The following NLN variants were observed in gnomAD, a reference collection of about 807,000 sequenced individuals.
NLN encodes neurolysin, mitochondrial.
NLN carries 64 observed loss-of-function variants against 79.9 expected under a neutral mutation model. The observed-to-expected ratio is 0.80, with a 90% confidence interval of 0.65 to 0.99. The LOEUF (loss-of-function observed/expected upper bound fraction) is 0.99. Among genes scored for constraint, NLN ranks in the 50% least tolerant of loss-of-function variants. NLN has a pLI of 0.00. For missense variants in NLN, 835 were observed against 858.7 expected, an observed-to-expected ratio of 0.97 and a Z score of 0.34; for synonymous variants, 267 against 296.6, an observed-to-expected ratio of 0.90 and a Z score of 1.02.
In NLN at chr5:65,812,276, T is replaced by C. The variant is rs371846609; in HGVS notation, c.1865T>C (p.Phe622Ser). 5 of 1,613,426 alleles carry C rather than the reference T, an allele frequency of 3.1e-6. No homozygotes were observed. In the African/African-American group the frequency reaches 5.3e-5, roughly 17 times the overall value. ...ATPGTNMPAT[F>S]GHLAGGYDGQ... ...AAAGGCACAAATATGCCAGCTACCT[T>C]TGGACATTTGGCAGGGGGATACGAT... Residue 622 changes from phenylalanine to serine, a missense_variant, in exon 12 of 13, where the codon TTT becomes TCT. Coordinates refer to ENST00000380985, the MANE Select transcript of NLN (RefSeq NM_020726.5).
Position 65,806,942 on chromosome 5 carries a change from C to T in NLN, c.1528-2573C>T, listed in dbSNP as rs530544611. On this transcript the variant is annotated intron_variant, in intron 9 of 12. Transcript: ENST00000380985. Reference sequence around the variant, plus strand: ...CTGTAATCCCAGCACTCTGGGAGGCCGAGGTGGGTGGATCACCTGCGGTCA... The same window carrying T: ...CTGTAATCCCAGCACTCTGGGAGGCTGAGGTGGGTGGATCACCTGCGGTCA... Among the ~76,000 whole-genome samples the T allele has an allele frequency of 5.9e-5, 9 of 152,152 alleles. No homozygotes were observed. The South Asian group carries it at 1.7e-3, about 28-fold the overall frequency.
intron 4 of NLN, among the ~76,000 whole-genome samples, chr5:65,779,165 A>T (rs1759745252): frequency 6.6e-6 from 1 of 152,192 alleles, no homozygotes; most frequent in Non-Finnish European, 1.5e-5. Flanking sequence ...CGGAGGGCTT[A>T]TTAAAACTCT....
intron 2 of NLN, among the ~76,000 whole-genome samples, chr5:65,761,547 C>A (rs946446774): frequency 5.9e-5 from 9 of 152,104 alleles, no homozygotes; most frequent in African/African-American, 2.2e-4. Context: ...CTGCCTCAGC[C>A]TCCCAGAATG....
intron 7 of NLN, among the ~76,000 whole-genome samples, chr5:65,787,331 T>C (rs1759952949): frequency 6.6e-6 from 1 of 152,070 alleles, no homozygotes; most frequent in East Asian, 1.9e-4. Context: ...TGGATATATA[T>C]ATGGAAAACT....
chr5:65,751,616 C>T (rs1056111232), intron 1 of NLN, among the ~76,000 whole-genome samples: 1 of 152,070 alleles, frequency 6.6e-6, no homozygotes, highest in Non-Finnish European at 1.5e-5. Context: ...TGGTGAAAGC[C>T]TTGATGAGAG....
At chr5:65,743,613 G>A (rs1758913675) in intron 1 of NLN, among the ~76,000 whole-genome samples, 1 of 152,188 alleles carries the variant, frequency 6.6e-6, no homozygotes. Context: ...ATGTCTGTAT[G>A]TGCAGAATGA....
rs754148526 is a variant in NLN, at chr5:65,822,922, G to A, written c.*7G>A. The A allele has an allele frequency of 6.2e-7, 1 of 1,612,816 alleles. No individual in the cohort carries two copies. Among genetic ancestry groups the A allele is most frequent in the South Asian group, 1.1e-5 (1 of 90,964 alleles). On this transcript the variant is annotated 3_prime_UTR_variant, in exon 13 of 13. Transcript: ENST00000380985. ...AGGCCTGCATGCTCCGTGAACTGGG[G>A]ATCTTTGGTAGCCGTCCATGTCTGG...
intron 9 of NLN, chr5:65,793,088 G>T (rs933452668): frequency 3.6e-6 from 1 of 278,548 alleles, no homozygotes; most frequent in Non-Finnish European, 7.0e-6. Flanking sequence ...TGTAACATTT[G>T]CCTTTACTAA....
chr5:65,781,157 A>G (rs754707608), intron 5 of NLN, 104 bp from the exon 6 acceptor site: 13 of 662,838 alleles, frequency 2.0e-5, no homozygotes, highest in South Asian at 1.0e-4. Context: ...TTGAATTTCA[A>G]TTACTACACA....
Position 65,823,591 on chromosome 5 carries a change from T to A in NLN, c.*676T>A, listed in dbSNP as rs766720221. On this transcript the variant is annotated 3_prime_UTR_variant, in exon 13 of 13. Transcript: ENST00000380985. ...TTATGTTTCAGCTAGACTGGTGTAA[T>A]GTATAAGTTTTTGTATCTTGTATTA... The A allele has an allele frequency of 6.6e-6, 1 of 152,216 alleles. No homozygotes were observed. The highest frequency in any genetic ancestry group is 6.5e-5 in the Admixed American group (1 of 15,276). The allele number at this position is 152,216 out of a possible 1,614,324, so 9.4% of individuals were successfully genotyped here.
At chr5:65,814,284 C>T (rs1760621306) in intron 12 of NLN, among the ~76,000 whole-genome samples, 1 of 152,104 alleles carries the variant, frequency 6.6e-6, no homozygotes, top group Non-Finnish European at 1.5e-5. Context: ...TTACCTCCTG[C>T]TGCTTGTTAT....
intron 1 of NLN, among the ~76,000 whole-genome samples, chr5:65,726,620 T>G (rs889486022): frequency 1.3e-5 from 2 of 152,208 alleles, no homozygotes; most frequent in Admixed American, 6.5e-5. Flanking sequence ...GCTGCCGATA[T>G]GTGGTATTAG....
chr5:65,753,539 C>A (rs804491), intron 1 of NLN, among the ~76,000 whole-genome samples: 141,553 of 151,790 alleles, frequency 0.93, 66,103 homozygotes, highest in African/African-American at 0.98. Flanking sequence ...AATCCCAGCT[C>A]CTCGGAAGGC....
chr5:65,817,815 T>C (rs890506415), intron 12 of NLN, among the ~76,000 whole-genome samples: 1 of 152,216 alleles, frequency 6.6e-6, no homozygotes, highest in Admixed American at 6.5e-5. Context: ...AAAGAATCAC[T>C]TGATAGAGAA....
intron 1 of NLN, among the ~76,000 whole-genome samples, chr5:65,750,417 C>G (rs1434994642): frequency 2.0e-5 from 3 of 152,210 alleles, no homozygotes; most frequent in Admixed American, 1.3e-4. Flanking sequence ...GGACTGAGTA[C>G]CTGAGGAAAT....
At chr5:65,734,599 C>G (rs1318743351) in intron 1 of NLN, among the ~76,000 whole-genome samples, 3 of 151,570 alleles carry the variant, frequency 2.0e-5, no homozygotes, top group Non-Finnish European at 4.4e-5. Flanking sequence ...GTCTATGCTT[C>G]CTGTTTGGCA....
At chr5:65,766,249 G>A (rs1042909403) in intron 3 of NLN, among the ~76,000 whole-genome samples, 4 of 152,184 alleles carry the variant, frequency 2.6e-5, no homozygotes, top group African/African-American at 7.2e-5. Context: ...GAGTACCTGA[G>A]ACTGGGTAAT....
chr5:65,734,133 G>A lies in NLN; in HGVS notation c.41+11719G>A, dbSNP rs566073138. Reference sequence around the variant, plus strand: ...AGGATGGTCTCAATCTCCTGACCTCGTGATCCACCCGCCTCGGCCTCCCAA... The same window carrying A: ...AGGATGGTCTCAATCTCCTGACCTCATGATCCACCCGCCTCGGCCTCCCAA... On this transcript the variant is annotated intron_variant, in intron 1 of 12. Coordinates refer to ENST00000380985, the MANE Select transcript of NLN (RefSeq NM_020726.5). Among the ~76,000 whole-genome samples the A allele has an allele frequency of 7.9e-5, 11 of 138,706 alleles. 1 individual carries two copies. In the East Asian group the frequency reaches 1.0e-3, roughly 13 times the overall value. 91.0% of individuals were successfully genotyped at this position (138,706 alleles called of 152,430 possible). A position where few individuals can be genotyped will look rare whatever the true frequency, so the allele number is the denominator to read the frequency against.
rs2150781292 is a variant in NLN at position 65,824,741 on chromosome 5, A to C, written c.*1826A>C. 6.6e-6 allele frequency: 1 copy of C among 152,354 alleles called. No individual in the cohort carries two copies. Among genetic ancestry groups the C allele is most frequent in the Non-Finnish European group, 1.5e-5 (1 of 68,040 alleles). The allele number at this position is 152,354 out of a possible 1,614,324, so 9.4% of individuals were successfully genotyped here. ...GTTAAAACCGAAATGCATGAGAGCA[A>C]AAGCACCATGGTGTTCTTTCTATTT... is the stretch of plus-strand genomic sequence containing the variant. On this transcript the variant is annotated 3_prime_UTR_variant, in exon 13 of 13. Coordinates refer to ENST00000380985, the MANE Select transcript of NLN (RefSeq NM_020726.5).
Sources: allele counts gnomAD v4.1 joint callset (sites outside exome capture counted in the v4.1 genomes callset), GRCh38; gene constraint gnomAD v4.1.1; transcripts MANE v1.5; gene names NCBI Gene and HGNC (gene_info 2026-07-23, HGNC 2026-07-21).